MYH15: variants seen among roughly 807,000 people sequenced by gnomAD.
MYH15 encodes myosin-15.
MYH15 carries 227 observed loss-of-function variants against 240.5 expected under a neutral mutation model. The ratio of observed to expected loss-of-function variants is 0.94; its 90% confidence interval spans 0.85 to 1.05. The LOEUF is 1.05. Ranked by LOEUF, MYH15 falls within the 50% of genes least tolerant of loss-of-function variation. The pLI, the probability that MYH15 is intolerant of heterozygous loss-of-function variation, is 0.00. For synonymous variants in MYH15, 785 were observed against 796.7 expected (o/e 0.99, Z 0.25); for missense variants, 2,217 against 2,247.5 (o/e 0.99, Z 0.27).
chr3:108,437,692 C>T lies in MYH15; in HGVS notation c.3083G>A (p.Gly1028Asp). 1 of 1,610,736 alleles carries T rather than the reference C, an allele frequency of 6.2e-7. No homozygotes were observed. Among genetic ancestry groups the T allele is most frequent in the South Asian group, 1.1e-5 (1 of 90,212 alleles). Residue 1028 changes from glycine (G) to aspartate (D), a missense_variant, in exon 25 of 41, where the codon GGT becomes GAT. Coordinates refer to ENST00000693548, the MANE Select transcript of MYH15 (RefSeq NM_014981.3). ...CGCTTTTCTCTCCTGCTCAAGGGCA[C>T]CCTCAAGCTGACAAAAGGAAACATT... ...KLEQQVDELE[G>D]ALEQERKARM...
chr3:108,468,353 A>G (rs1378665800), intron 14 of MYH15, among the ~76,000 whole-genome samples: 1 of 152,250 alleles, frequency 6.6e-6, no homozygotes, highest in East Asian at 1.9e-4. Context: ...GATGCATGTT[A>G]TACAACATTT....
rs149166606 is a variant in MYH15 at position 108,463,901 on chromosome 3, G to A, written c.1732-658C>T. ...GATTGAATGGCATTTCACACCAGCA[G>A]TCCTTTAAAGGCAAGAATGGTGAAA... On this transcript the variant is annotated intron_variant, in intron 15 of 40. Coordinates refer to ENST00000693548, the MANE Select transcript of MYH15 (RefSeq NM_014981.3). Among the ~76,000 whole-genome samples, 999 of 151,998 alleles carry A rather than the reference G, an allele frequency of 6.6e-3. 9 individuals carry two copies. The highest frequency in any genetic ancestry group is 0.019 in the African/African-American group (796 of 41,450).
At chr3:108,547,722 T>G in the MYH15 span, among the ~76,000 whole-genome samples, 5 of 152,188 alleles carry the variant, frequency 3.3e-5, no homozygotes, top group Non-Finnish European at 7.4e-5. Context: ...TTTCAGTACA[T>G]TATAAAATTA....
intron 38 of MYH15, among the ~76,000 whole-genome samples, chr3:108,385,732 C>T (rs1176482096): frequency 6.6e-6 from 1 of 152,160 alleles, no homozygotes; most frequent in African/African-American, 2.4e-5. Flanking sequence ...TGACCTATTC[C>T]ATCAAGTATG....
chr3:108,536,619 G>A, the MYH15 span, among the ~76,000 whole-genome samples: 84 of 152,328 alleles, frequency 5.5e-4, no homozygotes, highest in Non-Finnish European at 1.8e-4. Flanking sequence ...GTTCTACCAA[G>A]GGGGAATGGC....
intron 38 of MYH15, 108 bp downstream of exon 38, chr3:108,388,862 A>C: frequency 1.2e-6 from 1 of 854,516 alleles, no homozygotes; most frequent in Non-Finnish European, 1.9e-6. Flanking sequence ...GAGAACAAAG[A>C]TGAAGAGAGA....
rs751213071 is a variant in MYH15, at chr3:108,460,328, G to A, written c.1904C>T (p.Ser635Leu). The A allele has an allele frequency of 5.0e-6, 8 of 1,602,242 alleles. No homozygotes were observed. In the African/African-American group the frequency reaches 9.4e-5, roughly 19 times the overall value. ...FGEKKRKKGA[S>L]FQTVASLHKE... The stretch of plus-strand genomic sequence containing the variant: ...ATGCAGAGATGCAACCGTTTGGAAT[G>A]AAGCTCCTTTCTTTCGTTTCTTCTC... Residue 635 changes from serine to leucine, a missense_variant, in exon 17 of 41, where the codon TCA becomes TTA. By Grantham distance (145) the Ser-to-Leu change is moderately radical. Coordinates refer to ENST00000693548, the MANE Select transcript of MYH15 (RefSeq NM_014981.3).
At chr3:108,542,986 T>C in the MYH15 span, among the ~76,000 whole-genome samples, 1 of 151,698 alleles carries the variant, frequency 6.6e-6, no homozygotes, top group East Asian at 1.9e-4. Context: ...GCTCAAGTGA[T>C]TCTCCTGCCT....
chr3:108,464,698 C>T lies in MYH15; in HGVS notation c.1671G>A (p.Lys557=). The stretch of plus-strand genomic sequence containing the variant: ...CAAATTTCTTCTTATCAGGCTTGGG[C>T]TTCTGGAGATGAACCGACTTTCCAA... The part of the protein sequence containing the change: ...NHFGKSVHLQ[K]PKPDKKKFEA... The change falls in exon 15 of 41, where the codon AAG becomes AAA. Residue 557 remains lysine (K), a synonymous_variant. Transcript: ENST00000693548. The T allele has an allele frequency of 1.2e-6, 2 of 1,613,944 alleles. No homozygotes were observed. The highest frequency in any genetic ancestry group is 1.7e-6 in the Non-Finnish European group (2 of 1,179,880).
At chr3:108,507,342 A>G (rs1283682730) in intron 1 of MYH15, among the ~76,000 whole-genome samples, 3 of 150,154 alleles carry the variant, frequency 2.0e-5, no homozygotes, top group Non-Finnish European at 4.4e-5. Context: ...ACTCAGGTAC[A>G]TGGGGAAAGC....
the MYH15 span, among the ~76,000 whole-genome samples, chr3:108,548,189 A>G: frequency 6.6e-6 from 1 of 152,130 alleles, no homozygotes; most frequent in Admixed American, 6.6e-5. Context: ...TAAAGGACTT[A>G]TTTTGTCAAA....
chr3:108,419,339 G>T (rs952804211), intron 28 of MYH15, among the ~76,000 whole-genome samples: 1 of 151,988 alleles, frequency 6.6e-6, no homozygotes, highest in African/African-American at 2.4e-5. Context: ...AAAAGGTAAA[G>T]TTAAAAAAAG....
upstream of MYH15, among the ~76,000 whole-genome samples, chr3:108,514,334 T>C (rs1179252329): frequency 6.6e-6 from 1 of 151,602 alleles, no homozygotes; most frequent in Non-Finnish European, 1.5e-5. Flanking sequence ...GTCACAATTT[T>C]GGAAATTAGC....
At chr3:108,431,985 G>C (rs773891256) in intron 25 of MYH15, among the ~76,000 whole-genome samples, 2 of 152,128 alleles carry the variant, frequency 1.3e-5, no homozygotes, top group Non-Finnish European at 2.9e-5. Flanking sequence ...TATGACTTAG[G>C]GTACCTGGTG....
chr3:108,480,589 T>C (rs1198648405), intron 11 of MYH15, among the ~76,000 whole-genome samples: 3 of 152,180 alleles, frequency 2.0e-5, no homozygotes, highest in Non-Finnish European at 2.9e-5. Flanking sequence ...AGTGAACCCA[T>C]TGCAGAATGC....
chr3:108,485,379 A>T, intron 10 of MYH15, 150 bp from the exon 11 acceptor site: 1 of 829,086 alleles, frequency 1.2e-6, no homozygotes, highest in African/African-American at 1.7e-5. Flanking sequence ...CCCTGTTGGC[A>T]CTTGGTCACC....
At chr3:108,530,209 A>C (rs1378768484), upstream of MYH15, among the ~76,000 whole-genome samples, 1 of 152,238 alleles carries the variant, frequency 6.6e-6, no homozygotes, top group African/African-American at 2.4e-5. Context: ...AAATGGAAAG[A>C]ATCAGTTTCT....
chr3:108,439,628 T>C (rs1189841299), intron 24 of MYH15, 109 bp downstream of exon 24: 18 of 1,004,760 alleles, frequency 1.8e-5, no homozygotes, highest in Non-Finnish European at 2.1e-5. Context: ...GAAAACAAAC[T>C]ATGCTACTAG....
intron 6 of MYH15, among the ~76,000 whole-genome samples, chr3:108,497,714 GAA>G (rs761955857): frequency 9.9e-5 from 15 of 152,110 alleles, no homozygotes; most frequent in Non-Finnish European, 2.1e-4. Context: ...AAGGGATTCA[GAA>G]ATATCCAAGC....
Sources: gnomAD v4.1 joint callset for allele counts (sites outside exome capture counted in the v4.1 genomes callset) on GRCh38, gnomAD v4.1.1 for gene constraint, MANE v1.5 for transcripts, NCBI Gene and HGNC (gene_info 2026-07-23, HGNC 2026-07-21) for gene names.